Variants in SLC38A8 observed in about 807,000 individuals in gnomAD.
SLC38A8 encodes the protein amino acid transporter SLC38A8.
SLC38A8 carries 65 observed loss-of-function variants against 46.0 expected under a neutral mutation model. The observed-to-expected ratio is 1.41, with a 90% confidence interval of 1.16 to 1.74. The LOEUF (loss-of-function observed/expected upper bound fraction) is 1.74, where lower values mean the gene tolerates loss of function less well. Among genes scored for constraint, SLC38A8 ranks in the 40% most tolerant of loss-of-function variants. The pLI is 0.00. For missense variants in SLC38A8, 998 were observed against 567.9 expected, an observed-to-expected ratio of 1.76 and a Z score of -7.70; for synonymous variants, 447 against 243.7, an observed-to-expected ratio of 1.83 and a Z score of -7.77.
At chr16:84,021,344 A>G (rs1353902517) in intron 7 of SLC38A8, among the ~76,000 whole-genome samples, 2 of 152,142 alleles carry the variant, frequency 1.3e-5, no homozygotes, top group East Asian at 1.9e-4. Flanking sequence ...CGATGACAGG[A>G]GTGAGCCACG....
intron 3 of SLC38A8, 44 bp downstream of exon 3, chr16:84,036,658 G>C (rs2085302359): frequency 3.7e-6 from 6 of 1,607,634 alleles, no homozygotes; most frequent in Non-Finnish European, 5.1e-6. Flanking sequence ...GGTCATTAGA[G>C]GTCCGGCACC....
chr16:84,028,669 C>G (rs1025470395), intron 6 of SLC38A8, among the ~76,000 whole-genome samples: 1 of 151,970 alleles, frequency 6.6e-6, no homozygotes, highest in African/African-American at 2.4e-5. Flanking sequence ...GGACTGAGCC[C>G]AGGCCCGCCA....
At chr16:84,014,127 C>T (rs980724693) in intron 9 of SLC38A8, among the ~76,000 whole-genome samples, 13 of 151,676 alleles carry the variant, frequency 8.6e-5, no homozygotes, top group Admixed American at 8.5e-4. Context: ...TCTAAAACCT[C>T]CTCTCAGAGC....
chr16:84,039,104 G>C (rs1450361143), intron 2 of SLC38A8, among the ~76,000 whole-genome samples: 2 of 152,174 alleles, frequency 1.3e-5, no homozygotes, highest in African/African-American at 2.4e-5. Flanking sequence ...AAGGGAAGGA[G>C]GCAGAGATTG....
intron 4 of SLC38A8, among the ~76,000 whole-genome samples, chr16:84,032,395 G>A (rs896120603): frequency 2.0e-5 from 3 of 152,174 alleles, no homozygotes; most frequent in African/African-American, 7.2e-5. Flanking sequence ...CACCGTGTTG[G>A]TCAGGCTGGT....
At position 84,033,324 on chromosome 16, in the gene SLC38A8, T is replaced by C. The variant is rs528839416; in HGVS notation, c.530+4A>G. 12 of 1,613,964 alleles carry C rather than the reference T, an allele frequency of 7.4e-6. No individual in the cohort carries two copies. In the South Asian group the frequency reaches 1.1e-4, roughly 15 times the overall value. On this transcript the variant is annotated splice_donor_region_variant and intron_variant, in intron 4 of 10. Transcript: ENST00000299709. ...CCCCCACCAGGCAGCATCCCAGCCC[T>C]TACCTTGTGTATTTCTGGAAGGCGA...
intron 7 of SLC38A8, among the ~76,000 whole-genome samples, chr16:84,021,701 C>T (rs1432496932): frequency 6.6e-6 from 1 of 152,238 alleles, no homozygotes; most frequent in Non-Finnish European, 1.5e-5. Flanking sequence ...ATCATCAACA[C>T]CCCACTCTTG....
chr16:84,018,459 T>TCCACCCGCCCTGGCCTC (rs1254376940), intron 7 of SLC38A8, among the ~76,000 whole-genome samples: 2 of 152,074 alleles, frequency 1.3e-5, no homozygotes, highest in African/African-American at 2.4e-5. Flanking sequence ...GACCTCGTGA[T>TCCACCCGCCCTGGCCTC]CCACCCGCCC....
At chr16:84,033,527 T>A in intron 3 of SLC38A8, 58 bp from the exon 4 acceptor site, 2 of 1,514,120 alleles carry the variant, frequency 1.3e-6, no homozygotes, top group Non-Finnish European at 1.8e-6. Context: ...GGTTCTCGGC[T>A]CCCACCTGGC....
chr16:84,042,192 A>G (rs752837456), intron 1 of SLC38A8, 33 bp from the exon 2 acceptor site: 18 of 1,576,520 alleles, frequency 1.1e-5, no homozygotes, highest in Middle Eastern at 1.7e-4. Context: ...GAGAAAGCAC[A>G]GTCTTCACGC....
intron 3 of SLC38A8, among the ~76,000 whole-genome samples, chr16:84,036,325 G>T (rs2085298745): frequency 6.6e-6 from 1 of 152,234 alleles, no homozygotes; most frequent in Admixed American, 6.5e-5. Flanking sequence ...GTCTTAGTCG[G>T]GAACTCGAGG....
chr16:84,016,579 G>C lies in SLC38A8; in HGVS notation c.1102C>G (p.Leu368Val), dbSNP rs558499506. ...TLAMALFMPD[L>V]SEIVSIIGGI... The stretch of plus-strand genomic sequence containing the variant: ...CCGATGATGCTGACGATCTCGCTGA[G>C]GTCAGGCATAAACAGCGCCATGGCG... Residue 368 changes from leucine to valine, a missense_variant, in exon 9 of 11, where the codon CTC (leucine) becomes GTC (valine). Coordinates refer to ENST00000299709, the MANE Select transcript of SLC38A8 (RefSeq NM_001080442.3). 6.2e-7 allele frequency: 1 copy of C among 1,614,094 alleles called. No homozygotes were observed. The highest frequency in any genetic ancestry group is 1.3e-5 in the African/African-American group (1 of 75,058).
intron 8 of SLC38A8, 103 bp downstream of exon 8, chr16:84,017,037 A>G: frequency 6.9e-7 from 1 of 1,457,848 alleles, no homozygotes; most frequent in Non-Finnish European, 9.2e-7. Flanking sequence ...ATTGGAGAGG[A>G]TGGTAGTCCC....
At position 84,042,106 on chromosome 16, in the gene SLC38A8, C is replaced by G. The variant is rs1468670191; in HGVS notation, c.52G>C (p.Ala18Pro). 1.9e-6 allele frequency: 3 copies of G among 1,613,746 alleles called. No individual in the cohort carries two copies. In the African/African-American group the frequency reaches 4.0e-5, roughly 22 times the overall value. ...SRGLPEKPHPATAAATLSSMG... is the reference protein window; with the variant it reads ...SRGLPEKPHPPTAAATLSSMG... ...GAGGACAGAGTGGCAGCAGCCGTGG[C>G]AGGGTGAGGCTTTTCTGGAAGGCCC... is the stretch of plus-strand genomic sequence containing the variant. Residue 18 changes from alanine to proline, a missense_variant, in exon 2 of 11, where the codon GCC becomes CCC. Transcript: ENST00000299709.
intron 5 of SLC38A8, among the ~76,000 whole-genome samples, 177 bp downstream of exon 5, chr16:84,031,687 TGCA>T (rs1451282542): frequency 6.8e-6 from 1 of 146,936 alleles, no homozygotes. Flanking sequence ...GCCAGGTCCC[TGCA>T]GCAGAAGGAG....
chr16:84,025,923 T>C (rs111341883), intron 6 of SLC38A8, among the ~76,000 whole-genome samples: 6,922 of 152,272 alleles, frequency 0.045, 279 homozygotes, highest in African/African-American at 0.11. Flanking sequence ...GCAACCCCTC[T>C]GCCTCCTGCA....
chr16:84,026,247 T>C (rs1183030779), intron 6 of SLC38A8, among the ~76,000 whole-genome samples: 1 of 152,258 alleles, frequency 6.6e-6, no homozygotes, highest in Non-Finnish European at 1.5e-5. Flanking sequence ...TTTGTTTTTT[T>C]GAGACAGAGT....
intron 2 of SLC38A8, among the ~76,000 whole-genome samples, chr16:84,039,183 C>T (rs768464463): frequency 2.2e-4 from 34 of 152,086 alleles, no homozygotes; most frequent in Non-Finnish European, 4.0e-4. Flanking sequence ...TTGGAGGGAG[C>T]GAAGCCCTGC....
At chr16:84,030,483 T>G (rs1045776145) in intron 5 of SLC38A8, among the ~76,000 whole-genome samples, 7 of 151,960 alleles carry the variant, frequency 4.6e-5, no homozygotes, top group African/African-American at 1.7e-4. Context: ...CGGACCTCTC[T>G]CTCTGAACTT....
Sources: allele counts gnomAD v4.1 joint callset (sites outside exome capture counted in the v4.1 genomes callset), GRCh38; gene constraint gnomAD v4.1.1; transcripts MANE v1.5; gene names NCBI Gene and HGNC (gene_info 2026-07-23, HGNC 2026-07-21).